PTK2: variants seen among roughly 807,000 people sequenced by gnomAD.
PTK2 encodes focal adhesion kinase 1.
In PTK2, 45 loss-of-function variants were observed where a neutral mutation model predicts 150.1. That is an observed-to-expected ratio of 0.30 (90% confidence interval 0.24 to 0.38). The LOEUF (loss-of-function observed/expected upper bound fraction) is 0.38, where lower values mean the gene tolerates loss of function less well. Ranked by LOEUF, PTK2 falls within the 10% of genes least tolerant of loss-of-function variation. The pLI, the probability that PTK2 is intolerant of heterozygous loss-of-function variation, is 1.00. For synonymous variants in PTK2, 432 were observed against 449.2 expected (o/e 0.96, Z 0.48); for missense variants, 919 against 1,307.3 (o/e 0.70, Z 4.58).
chr8:140,963,883 G>T (rs2100184281), intron 1 of PTK2, among the ~76,000 whole-genome samples: 1 of 152,118 alleles, frequency 6.6e-6, no homozygotes, highest in Admixed American at 6.5e-5. Flanking sequence ...GGGTTAAGAG[G>T]GAGAAGGAGA....
intron 5 of PTK2, among the ~76,000 whole-genome samples, chr8:140,849,750 T>C (rs897767040): frequency 3.3e-5 from 5 of 152,354 alleles, no homozygotes; most frequent in Admixed American, 2.0e-4. Context: ...ATCTTTACAA[T>C]AATTCTTCAA....
At chr8:140,870,049 C>A (rs552712961) in intron 4 of PTK2, among the ~76,000 whole-genome samples, 1 of 151,912 alleles carries the variant, frequency 6.6e-6, no homozygotes, top group African/African-American at 2.4e-5. Flanking sequence ...AAAATGTACA[C>A]AAACACACCC....
intron 6 of PTK2, 68 bp downstream of exon 6, chr8:140,846,531 C>T (rs764753602): frequency 2.3e-6 from 3 of 1,332,646 alleles, no homozygotes; most frequent in Admixed American, 1.8e-5. Flanking sequence ...AGGAAAATAC[C>T]TGGAAAATAT....
intron 23 of PTK2, among the ~76,000 whole-genome samples, chr8:140,707,842 C>T (rs1455980005): frequency 6.6e-6 from 1 of 152,216 alleles, no homozygotes; most frequent in Non-Finnish European, 1.5e-5. Context: ...GTCCAGTAGT[C>T]TGGGACCTGG....
At chr8:140,761,687 T>C (rs951012205) in intron 15 of PTK2, among the ~76,000 whole-genome samples, 2 of 152,138 alleles carry the variant, frequency 1.3e-5, no homozygotes, top group African/African-American at 4.8e-5. Flanking sequence ...CTACAGTTTG[T>C]AAATATGGAA....
At chr8:140,915,498 G>T (rs1387051169) in intron 2 of PTK2, among the ~76,000 whole-genome samples, 1 of 152,178 alleles carries the variant, frequency 6.6e-6, no homozygotes, top group East Asian at 1.9e-4. Flanking sequence ...GGACACTTAG[G>T]AGGCTGGGAG....
At chr8:140,833,724 C>A (rs1450963817) in intron 7 of PTK2, among the ~76,000 whole-genome samples, 1 of 152,196 alleles carries the variant, frequency 6.6e-6, no homozygotes, top group Non-Finnish European at 1.5e-5. Context: ...TAATTACTAA[C>A]CTTTATCATA....
At chr8:140,680,520 C>T (rs1400623095) in intron 27 of PTK2, among the ~76,000 whole-genome samples, 3 of 152,188 alleles carry the variant, frequency 2.0e-5, no homozygotes, top group Non-Finnish European at 4.4e-5. Context: ...TCTGCATAAT[C>T]CTTCTATCCA....
intron 10 of PTK2, among the ~76,000 whole-genome samples, chr8:140,804,225 CTTCTTTTTTTTT>C (rs986718838): frequency 1.6e-4 from 16 of 99,576 alleles, no homozygotes; most frequent in Admixed American, 5.5e-4. Flanking sequence ...ACTTTGGCTT[CTTCTTTTTTTTT>C]TTCTTTTTCT....
intron 7 of PTK2, among the ~76,000 whole-genome samples, chr8:140,840,257 G>A (rs1433192875): frequency 6.6e-6 from 1 of 152,134 alleles, no homozygotes; most frequent in African/African-American, 2.4e-5. Flanking sequence ...ATGAGGTCTC[G>A]CTATGCTATC....
At chr8:140,746,326 G>C (rs1410660278) in intron 18 of PTK2, 1 of 153,840 alleles carries the variant, frequency 6.5e-6, no homozygotes, top group African/African-American at 2.4e-5. Context: ...GGGAGACTTT[G>C]TCTCTCAAAA....
At chr8:140,846,962 G>A (rs1210645561) in intron 5 of PTK2, among the ~76,000 whole-genome samples, 5 of 151,944 alleles carry the variant, frequency 3.3e-5, no homozygotes, top group East Asian at 1.9e-4. Context: ...AGATATAAAC[G>A]TGAGTTATAC....
intron 2 of PTK2, among the ~76,000 whole-genome samples, chr8:140,894,173 T>C (rs532366925): frequency 9.9e-5 from 15 of 152,256 alleles, no homozygotes; most frequent in African/African-American, 3.6e-4. Flanking sequence ...ATTAGTGCCC[T>C]TGTGAAAGTC....
chr8:140,668,901 T>G (rs2093967445), intron 29 of PTK2: 1 of 155,692 alleles, frequency 6.4e-6, no homozygotes, highest in African/African-American at 2.4e-5. Flanking sequence ...AGCCGCCTAA[T>G]GGAAACATGT....
intron 2 of PTK2, among the ~76,000 whole-genome samples, chr8:140,901,225 TAC>T (rs961543678): frequency 1.6e-5 from 2 of 122,118 alleles, no homozygotes; most frequent in African/African-American, 5.2e-5. Context: ...AGAATGAAAT[TAC>T]ATCTCTCTCT....
intron 1 of PTK2, among the ~76,000 whole-genome samples, chr8:140,945,552 T>C (rs545799664): frequency 6.6e-6 from 1 of 152,100 alleles, no homozygotes; most frequent in South Asian, 2.1e-4. Context: ...TGCCACTCAC[T>C]GTACTACAGC....
intron 4 of PTK2, among the ~76,000 whole-genome samples, chr8:140,871,786 G>A (rs1489682323): frequency 6.6e-6 from 1 of 152,118 alleles, no homozygotes; most frequent in African/African-American, 2.4e-5. Flanking sequence ...GGCTAAGAAA[G>A]GAGGACTACT....
intron 1 of PTK2, among the ~76,000 whole-genome samples, chr8:140,927,958 G>GAAAAAAAAAAAAAAAAAAAAAAAAA (rs57931737): frequency 1.6e-5 from 1 of 63,638 alleles, no homozygotes; most frequent in Non-Finnish European, 2.6e-5. Flanking sequence ...AAAAAAAAAA[G>GAAAAAAAAAAAAAAAAAAAAAAAAA]AAAAAAAAAA....
intron 15 of PTK2, 107 bp downstream of exon 17, chr8:140,764,127 A>C (rs945621559): frequency 2.0e-5 from 18 of 894,632 alleles, no homozygotes; most frequent in Non-Finnish European, 3.4e-5. Context: ...TCAGCATCCA[A>C]GGAAGTATTA....
Sources: allele counts gnomAD v4.1 joint callset (sites outside exome capture counted in the v4.1 genomes callset), GRCh38; gene constraint gnomAD v4.1.1; transcripts MANE v1.5; gene names NCBI Gene and HGNC (gene_info 2026-07-23, HGNC 2026-07-21).